The following LYST variants were observed in gnomAD, a reference collection of about 807,000 sequenced individuals.
LYST encodes the protein lysosomal trafficking regulator, also known as lysosomal-trafficking regulator.
Under a neutral mutation model 413.6 loss-of-function variants are expected in LYST, and 192 were observed. The observed-to-expected ratio is 0.46, with a 90% CI of 0.41 to 0.52. The LOEUF is 0.52. Among genes scored for constraint, LYST ranks in the 20% least tolerant of loss-of-function variants. LYST has a pLI of 0.00. For synonymous variants in LYST, 1,525 were observed against 1,567.3 expected, an observed-to-expected ratio of 0.97 and a Z score of 0.64; for missense variants, 3,815 against 4,499.9, an observed-to-expected ratio of 0.85 and a Z score of 4.35.
intron 43 of LYST, 78 bp downstream of exon 43, chr1:235,711,979 G>T: frequency 8.3e-7 from 1 of 1,199,086 alleles, no homozygotes. Flanking sequence ...ACTTAAAAAA[G>T]CTATTTTCAT....
rs1332021494 is a variant in LYST, at chr1:235,729,465, C to T, written c.9106+131G>A. 14 of 695,580 alleles carry T rather than the reference C, an allele frequency of 2.0e-5. No individual in the cohort carries two copies. The East Asian group carries it at 3.3e-4, about 16-fold the overall frequency. 43.1% of individuals were successfully genotyped at this position (695,580 alleles called of 1,614,324 possible). ...TATGCAATTACATATAATGTTAAGG[C>T]AAATTAGCCTATATGATACTACAGA... On this transcript the variant is annotated intron_variant, in intron 37 of 52. Transcript: ENST00000389793.
In LYST at chr1:235,782,207, C is replaced by T. The variant is rs566442063; in HGVS notation, c.4863-120G>A. 5.6e-4 allele frequency: 479 copies of T among 854,502 alleles called. 6 individuals carry two copies. The South Asian group carries it at 7.3e-3, about 13-fold the overall frequency. The allele number at this position is 854,502 out of a possible 1,614,324, so 52.9% of individuals were successfully genotyped here. On this transcript the variant is annotated intron_variant, in intron 14 of 52. Transcript: ENST00000389793. ...TTTTTTTTTTTTTTGGAGACAGAGTCTCGCTCTGTTGCCCAGGTTGGCACG... is the reference window on the plus strand; with the variant it reads ...TTTTTTTTTTTTTTGGAGACAGAGTTTCGCTCTGTTGCCCAGGTTGGCACG...
chr1:235,716,835 T>G (rs1662884972), intron 40 of LYST, 57 bp from the exon 41 acceptor site: 1 of 969,056 alleles, frequency 1.0e-6, no homozygotes, highest in African/African-American at 1.6e-5. Context: ...AAGATTAAGC[T>G]CCCTAGATGT....
intron 1 of LYST, among the ~76,000 whole-genome samples, chr1:235,871,947 TAAAAC>T (rs1558371112): frequency 2.0e-5 from 3 of 152,172 alleles, no homozygotes; most frequent in Non-Finnish European, 4.4e-5. Context: ...GGCTCTGAAA[TAAAAC>T]AAAGACAGAT....
chr1:235,712,567 A>G (rs1662481030), intron 42 of LYST: 1 of 970,000 alleles, frequency 1.0e-6, no homozygotes, highest in African/African-American at 1.8e-5. Flanking sequence ...TGAATGAATG[A>G]ATAATGAAGA....
In LYST at chr1:235,680,591, C is replaced by T. The variant is rs565959853; in HGVS notation, c.10801-2972G>A. On this transcript the variant is annotated intron_variant, in intron 48 of 52. Transcript: ENST00000389793. ...CATGGATATTTCTAATAAGGACACA[C>T]AAGTGATTTTCTTTTTTTTTTTTTG... Among the ~76,000 whole-genome samples, 3 of 150,986 alleles carry T rather than the reference C, an allele frequency of 2.0e-5. No individual in the cohort carries two copies. In the East Asian group the frequency reaches 5.8e-4, roughly 29 times the overall value.
At position 235,774,643 on chromosome 1, in the gene LYST, G is replaced by A. The variant is rs116229025; in HGVS notation, c.5634+270C>T. ...AATCTACAGAATGAAGGGACAGCAT[G>A]GGAGATATCTATGGCCCACCCAGGT... On this transcript the variant is annotated intron_variant, in intron 18 of 52. Transcript: ENST00000389793. Among the ~76,000 whole-genome samples the A allele has an allele frequency of 6.1e-3, 932 of 152,212 alleles. 14 individuals are homozygous for A. The highest frequency in any genetic ancestry group is 0.021 in the African/African-American group (872 of 41,530).
chr1:235,833,548 T>C (rs1490436866), intron 2 of LYST, 30 bp downstream of exon 2: 1 of 473,494 alleles, frequency 2.1e-6, no homozygotes, highest in Non-Finnish European at 2.8e-6. Flanking sequence ...ATCATGTTGA[T>C]GGTTAATATT....
At chr1:235,679,984 G>GCT (rs748498238) in intron 48 of LYST, among the ~76,000 whole-genome samples, 84 of 143,214 alleles carry the variant, frequency 5.9e-4, no homozygotes, top group Admixed American at 1.1e-3. Flanking sequence ...TGCTTTTAAG[G>GCT]CTCTCTCTCT....
chr1:235,717,167 G>A (rs1286984075), intron 40 of LYST, among the ~76,000 whole-genome samples: 3 of 152,126 alleles, frequency 2.0e-5, no homozygotes, highest in Admixed American at 1.3e-4. Context: ...CCAGTTAGGC[G>A]GTGTAGAATG....
chr1:235,746,307 G>C (rs1365274832), intron 29 of LYST, 29 bp downstream of exon 29: 17 of 1,596,274 alleles, frequency 1.1e-5, no homozygotes, highest in Non-Finnish European at 1.3e-5. Context: ...TAAAATCTGA[G>C]GAAAAACAAA....
rs1187513029 is a variant in LYST at position 235,777,075 on chromosome 1, A to G, written c.5448T>C (p.Phe1816=). 6.2e-7 allele frequency: 1 copy of G among 1,613,414 alleles called. No homozygotes were observed. The highest frequency in any genetic ancestry group is 2.2e-5 in the East Asian group (1 of 44,746). The change falls in exon 17 of 53, where the codon TTT becomes TTC. Residue 1816 remains phenylalanine, a synonymous_variant. Coordinates refer to ENST00000389793, the MANE Select transcript of LYST (RefSeq NM_000081.4). ...CAGTGATTCTTACCCTGGCAAAGAG[A>G]AAAACAAATATGCCAGTTCCACCAA... ...HEIGGTGIFV[F]LFARVVELSS...
chr1:235,792,604 C>G (rs1457307617), intron 11 of LYST, among the ~76,000 whole-genome samples: 1 of 151,184 alleles, frequency 6.6e-6, no homozygotes, highest in African/African-American at 2.4e-5. Flanking sequence ...CGTGAGTCAC[C>G]ATGCCCAGCC....
chr1:235,662,689 C>T lies in LYST; in HGVS notation c.*251G>A. 1.9e-6 allele frequency: 1 copy of T among 519,218 alleles called. No individual in the cohort carries two copies. Among genetic ancestry groups the T allele is most frequent in the Non-Finnish European group, 3.5e-6 (1 of 286,616 alleles). 32.2% of individuals were successfully genotyped at this position (519,218 alleles called of 1,614,324 possible). On this transcript the variant is annotated 3_prime_UTR_variant, in exon 53 of 53. Transcript: ENST00000389793. ...TTTTAAGAATATCATTTTAATGTAC[C>T]ATGCGAGGCTTAAAACTTGTTGGCT... is the stretch of plus-strand genomic sequence containing the variant.
chr1:235,769,995 G>C (rs765594619), intron 20 of LYST, among the ~76,000 whole-genome samples, 165 bp downstream of exon 20: 24 of 151,716 alleles, frequency 1.6e-4, no homozygotes, highest in Non-Finnish European at 3.4e-4. Context: ...AGATGCAGCA[G>C]TTGAAAAACT....
At chr1:235,773,001 A>G (rs1439218311) in intron 19 of LYST, among the ~76,000 whole-genome samples, 2 of 152,244 alleles carry the variant, frequency 1.3e-5, no homozygotes, top group Non-Finnish European at 2.9e-5. Flanking sequence ...TTCTTTCAGA[A>G]GAATGATTAG....
Position 235,800,900 on chromosome 1 carries a change from C to T in LYST, c.3910G>A (p.Glu1304Lys). ...TGCATGAGCAGAAAAACATTCTTTT[C>T]TTTCTGCCTAATAATTTTCAAAAAA... ...ESFLKIIRQK[E>K]KNVFLLMQQG... Residue 1304 changes from glutamate (E) to lysine (K), a missense_variant, in exon 9 of 53, where the codon GAA becomes AAA. Physicochemically the swap from Glu to Lys is moderately conservative, Grantham distance 56 (BLOSUM62 1). Transcript: ENST00000389793. 3 of 1,613,098 alleles carry T rather than the reference C, an allele frequency of 1.9e-6. No homozygotes were observed. Among genetic ancestry groups the T allele is most frequent in the Non-Finnish European group, 2.5e-6 (3 of 1,179,336 alleles).
intron 1 of LYST, among the ~76,000 whole-genome samples, chr1:235,841,033 G>C (rs1447319213): frequency 6.6e-6 from 1 of 152,260 alleles, no homozygotes; most frequent in Non-Finnish European, 1.5e-5. Flanking sequence ...TGCTGTCAGG[G>C]CAAAACCACT....
intron 48 of LYST, among the ~76,000 whole-genome samples, chr1:235,682,743 A>G (rs1247558242): frequency 2.0e-5 from 3 of 152,254 alleles, no homozygotes; most frequent in Non-Finnish European, 4.4e-5. Flanking sequence ...GTAAGCAGTC[A>G]GTAAATATTA....
Sources: allele counts gnomAD v4.1 joint callset (sites outside exome capture counted in the v4.1 genomes callset), GRCh38; gene constraint gnomAD v4.1.1; transcripts MANE v1.5; gene names NCBI Gene and HGNC (gene_info 2026-07-23, HGNC 2026-07-21).